RIN3: variants seen among roughly 807,000 people sequenced by gnomAD.
RIN3 encodes the protein RAB5 interacting protein 3.
RIN3 carries 54 observed loss-of-function variants against 76.3 expected under a neutral mutation model. The ratio of observed to expected loss-of-function variants is 0.71; its 90% CI spans 0.57 to 0.89. RIN3 has a LOEUF of 0.89. Ranked by LOEUF, RIN3 falls within the 40% of genes least tolerant of loss-of-function variation. The pLI is 0.00. For missense variants in RIN3, 1,256 were observed against 1,322.1 expected, an observed-to-expected ratio of 0.95 and a Z score of 0.78; for synonymous variants, 576 against 564.0, an observed-to-expected ratio of 1.02 and a Z score of -0.30.
rs983272720 is a variant in RIN3, at chr14:92,637,241, TG to T, written c.441-3992del. 9.6e-3 allele frequency among the ~76,000 whole-genome samples: 1,462 copies of T among 151,598 alleles called. 31 individuals are homozygous for T. The highest frequency in any genetic ancestry group is 0.034 in the African/African-American group (1,420 of 41,290). ...TTTCCTGCAACTAGATGGTCCCATC[TG>T]GGGGTGATGGGAGACAGTGACAGAT... is the stretch of plus-strand genomic sequence containing the variant. On this transcript the variant is annotated intron_variant, in intron 4 of 9. Transcript: ENST00000216487.
rs1247520174 is a variant in RIN3, at chr14:92,534,600, C to A, written c.44+20624C>A. ...GAGACTCCATCTCAAAAAAAAAAAA[C>A]AAAAAGAAAGAAAGAAAGAAAGTAT... is the stretch of plus-strand genomic sequence containing the variant. On this transcript the variant is annotated intron_variant, in intron 1 of 9. Coordinates refer to ENST00000216487, the MANE Select transcript of RIN3 (RefSeq NM_024832.5). 1.0e-3 allele frequency among the ~76,000 whole-genome samples: 140 copies of A among 134,408 alleles called. 1 individual carries two copies. The highest frequency in any genetic ancestry group is 3.8e-3 in the African/African-American group (132 of 34,596). The allele number at this position is 134,408 out of a possible 152,430, so 88.2% of individuals were successfully genotyped here.
chr14:92,582,442 CTTTTTTTTTT>C (rs35072092), intron 3 of RIN3, among the ~76,000 whole-genome samples: 1 of 117,566 alleles, frequency 8.5e-6, no homozygotes, highest in Non-Finnish European at 1.7e-5. Flanking sequence ...TCCTTTTTTA[CTTTTTTTTTT>C]TTTTTTTTTC....
intron 7 of RIN3, among the ~76,000 whole-genome samples, chr14:92,671,391 G>A (rs1034694944): frequency 9.2e-5 from 14 of 152,300 alleles, no homozygotes; most frequent in African/African-American, 1.9e-4. Flanking sequence ...GGAATGGGCC[G>A]TGGTGCAGCC....
intron 2 of RIN3, among the ~76,000 whole-genome samples, chr14:92,569,376 C>G (rs762048434): frequency 5.9e-5 from 9 of 152,116 alleles, no homozygotes; most frequent in Non-Finnish European, 1.2e-4. Flanking sequence ...GAGGCAGGGC[C>G]TTGGTTTCAT....
rs1314273014 is a variant in RIN3, at chr14:92,653,200, G to A, written c.2026+125G>A. On this transcript the variant is annotated intron_variant, in intron 6 of 9. Coordinates refer to ENST00000216487, the MANE Select transcript of RIN3 (RefSeq NM_024832.5). The stretch of plus-strand genomic sequence containing the variant: ...TGGTGCCCACCCCCTATCCCTTCCT[G>A]GGCACCAGGAACTTTCTCTGGCTGC... 14 of 1,051,078 alleles carry A rather than the reference G, an allele frequency of 1.3e-5. No individual in the cohort carries two copies. The Admixed American group carries it at 3.4e-4, about 26-fold the overall frequency. 65.1% of individuals were successfully genotyped at this position (1,051,078 alleles called of 1,614,324 possible).
chr14:92,641,535 C>A (rs1887015782), intron 5 of RIN3, among the ~76,000 whole-genome samples: 1 of 152,224 alleles, frequency 6.6e-6, no homozygotes, highest in Non-Finnish European at 1.5e-5. Context: ...GCCCAGGACG[C>A]CCTGAGGCCC....
chr14:92,621,256 G>A (rs367662764), intron 4 of RIN3, among the ~76,000 whole-genome samples: 3,189 of 57,324 alleles, frequency 0.056, 11 homozygotes, highest in Middle Eastern at 0.081. Flanking sequence ...AAAAAAAAAA[G>A]AATTACCAAA....
chr14:92,609,862 T>C (rs1187762259), intron 3 of RIN3, among the ~76,000 whole-genome samples: 1 of 116,128 alleles, frequency 8.6e-6, no homozygotes, highest in African/African-American at 2.7e-5. Context: ...TGTGTGTGTG[T>C]GTGTGTGTGT....
intron 2 of RIN3, among the ~76,000 whole-genome samples, chr14:92,563,712 A>G (rs1897841732): frequency 1.3e-5 from 2 of 152,200 alleles, no homozygotes; most frequent in Admixed American, 1.3e-4. Flanking sequence ...AGCATGTTTT[A>G]AAAGCTTCCT....
chr14:92,634,241 AT>A (rs557510500), intron 4 of RIN3, among the ~76,000 whole-genome samples: 13 of 151,472 alleles, frequency 8.6e-5, no homozygotes, highest in African/African-American at 2.4e-4. Flanking sequence ...TGCCCTGCTA[AT>A]TTTTTTTATA....
chr14:92,607,364 C>T (rs186519323), intron 3 of RIN3, among the ~76,000 whole-genome samples: 2 of 152,364 alleles, frequency 1.3e-5, no homozygotes, highest in East Asian at 3.9e-4. Flanking sequence ...AAAGTAGAGG[C>T]TGGACATGGC....
intron 4 of RIN3, among the ~76,000 whole-genome samples, chr14:92,617,699 T>C (rs1886023489): frequency 6.6e-6 from 1 of 152,222 alleles, no homozygotes; most frequent in Non-Finnish European, 1.5e-5. Context: ...GACCAAAGAA[T>C]GACTTAACTA....
Position 92,562,498 on chromosome 14 carries a change from A to G in RIN3, c.249+6543A>G, listed in dbSNP as rs551788704. Among the ~76,000 whole-genome samples the G allele has an allele frequency of 5.6e-4, 86 of 152,264 alleles. No homozygotes were observed. The South Asian group carries it at 0.01, about 18-fold the overall frequency. Reference sequence around the variant, plus strand: ...ACAAGAGATTTGCCTCTTCTCTCCCATCTATTTGTTAAGCCATTTACTTAT... The same window carrying G: ...ACAAGAGATTTGCCTCTTCTCTCCCGTCTATTTGTTAAGCCATTTACTTAT... On this transcript the variant is annotated intron_variant, in intron 2 of 9. Coordinates refer to ENST00000216487, the MANE Select transcript of RIN3 (RefSeq NM_024832.5).
chr14:92,543,911 C>G (rs1321626281), intron 1 of RIN3, among the ~76,000 whole-genome samples: 1 of 152,114 alleles, frequency 6.6e-6, no homozygotes, highest in African/African-American at 2.4e-5. Flanking sequence ...CACCTGCCTC[C>G]TAACAGTCTC....
intron 2 of RIN3, among the ~76,000 whole-genome samples, chr14:92,560,472 G>A (rs1364252733): frequency 2.6e-5 from 4 of 152,144 alleles, no homozygotes; most frequent in Admixed American, 2.6e-4. Flanking sequence ...ACGAAGATTG[G>A]CAGCTTTTAC....
intron 3 of RIN3, among the ~76,000 whole-genome samples, chr14:92,608,322 G>A (rs534247386): frequency 5.3e-5 from 8 of 152,234 alleles, no homozygotes; most frequent in South Asian, 2.1e-4. Context: ...GCAACTTCTC[G>A]TGAATCTATA....
intron 3 of RIN3, among the ~76,000 whole-genome samples, chr14:92,588,205 C>T (rs1884845258): frequency 1.4e-5 from 2 of 144,386 alleles, no homozygotes; most frequent in Non-Finnish European, 3.0e-5. Flanking sequence ...CCATTCAAGC[C>T]ATAGCACTCT....
intron 3 of RIN3, among the ~76,000 whole-genome samples, chr14:92,613,654 G>T (rs1478023827): frequency 1.3e-5 from 2 of 152,180 alleles, no homozygotes; most frequent in Non-Finnish European, 2.9e-5. Flanking sequence ...ACCTATGTGC[G>T]TGTGGCTTTA....
intron 3 of RIN3, among the ~76,000 whole-genome samples, chr14:92,588,711 G>A (rs765590585): frequency 1.3e-5 from 2 of 152,098 alleles, no homozygotes; most frequent in Non-Finnish European, 2.9e-5. Flanking sequence ...ATGAAAGGAG[G>A]CAACATCTGG....
Sources: gnomAD v4.1 joint callset for allele counts (sites outside exome capture counted in the v4.1 genomes callset) on GRCh38, gnomAD v4.1.1 for gene constraint, MANE v1.5 for transcripts, NCBI Gene and HGNC (gene_info 2026-07-23, HGNC 2026-07-21) for gene names.